FBN1: variants seen among roughly 807,000 people sequenced by gnomAD.
The protein encoded by FBN1 is fibrillin 1.
In FBN1, 29 loss-of-function variants were observed where a neutral mutation model predicts 365.1. The observed-to-expected ratio is 0.08, with a 90% CI of 0.06 to 0.11. The LOEUF is 0.11. Among genes scored for constraint, FBN1 ranks in the 10% least tolerant of loss-of-function variants. FBN1 has a pLI of 1.00. For synonymous variants in FBN1, 1,210 were observed against 1,270.5 expected (o/e 0.95, Z 1.01); for missense variants, 2,476 against 3,703.2 (o/e 0.67, Z 8.60).
At chr15:48,618,398 T>C (rs1889699919) in intron 2 of FBN1, among the ~76,000 whole-genome samples, 1 of 152,226 alleles carries the variant, frequency 6.6e-6, no homozygotes, top group Admixed American at 6.5e-5. Flanking sequence ...GGGCCCATAC[T>C]ATTCTAACGA....
intron 41 of FBN1, among the ~76,000 whole-genome samples, 187 bp downstream of exon 41, chr15:48,463,712 C>T (rs1450488785): frequency 6.6e-6 from 1 of 152,214 alleles, no homozygotes; most frequent in Non-Finnish European, 1.5e-5. Context: ...CTCCCAACCA[C>T]CCACCCGTGG....
chr15:48,477,855 T>G (rs954003055), intron 32 of FBN1, among the ~76,000 whole-genome samples: 8 of 152,178 alleles, frequency 5.3e-5, no homozygotes, highest in African/African-American at 1.9e-4. Flanking sequence ...CACCAAACCT[T>G]TGTCACAAAG....
rs1890269977 is a variant in FBN1 at position 48,644,962 on chromosome 15, A to T, written c.-181-12T>A. 2.4e-6 allele frequency: 1 copy of T among 414,014 alleles called. No individual in the cohort carries two copies. The highest frequency in any genetic ancestry group is 4.5e-5 in the East Asian group (1 of 22,388). 25.6% of individuals were successfully genotyped at this position (414,014 alleles called of 1,614,324 possible). A position where few individuals can be genotyped will look rare whatever the true frequency, so the allele number is the denominator to read the frequency against. On this transcript the variant is annotated splice_polypyrimidine_tract_variant and intron_variant, in intron 1 of 65. Transcript: ENST00000316623. Reference sequence around the variant, plus strand: ...GCGGCCCCTGCCAGCTGCAACACAGAGACAAATCCCCGAGGCGGGGAGACT... The same window carrying T: ...GCGGCCCCTGCCAGCTGCAACACAGTGACAAATCCCCGAGGCGGGGAGACT...
Position 48,508,714 on chromosome 15 carries a change from C to G in FBN1, c.1715-10G>C. 6.2e-7 allele frequency: 1 copy of G among 1,613,338 alleles called. No individual in the cohort carries two copies. Among genetic ancestry groups the G allele is most frequent in the Non-Finnish European group, 8.5e-7 (1 of 1,179,506 alleles). On this transcript the variant is annotated splice_polypyrimidine_tract_variant and intron_variant, in intron 14 of 65. Coordinates refer to ENST00000316623, the MANE Select transcript of FBN1 (RefSeq NM_000138.5). ...CTGCATTCATCCATATCTGAAAATA[C>G]AAAACATACATTTTCTTATGACCAG...
In FBN1 at chr15:48,537,725, G is replaced by C. The variant is rs1468309094; in HGVS notation, c.622C>G (p.Leu208Val). The change falls in exon 7 of 66, where the codon CTC becomes GTC. Residue 208 changes from leucine (L) to valine (V), a missense_variant. Leu to Val is a conservative substitution (Grantham distance 32). Transcript: ENST00000316623. ...QLSGIVCTKT[L>V]CCATVGRAWG... ...GCTCGGCCGACTGTGGCACAGCAGA[G>C]CGTTTTTGTGCAGACAATCCCGCTG... The C allele has an allele frequency of 6.2e-7, 1 of 1,614,220 alleles. No homozygotes were observed. The highest frequency in any genetic ancestry group is 8.5e-7 in the Non-Finnish European group (1 of 1,180,032).
At chr15:48,431,508 T>C (rs907257937) in intron 55 of FBN1, among the ~76,000 whole-genome samples, 8 of 152,036 alleles carry the variant, frequency 5.3e-5, no homozygotes, top group Non-Finnish European at 1.2e-4. Flanking sequence ...TATATCTTAA[T>C]ATAACAATAA....
At chr15:48,598,229 A>G (rs74012213) in intron 5 of FBN1, among the ~76,000 whole-genome samples, 2,106 of 152,162 alleles carry the variant, frequency 0.014, 44 homozygotes, top group African/African-American at 0.049. Context: ...CCATCTATAT[A>G]CCCTTAGAGG....
At position 48,410,912 on chromosome 15, in the gene FBN1, G is replaced by C; in HGVS notation, c.*78C>G. 1.5e-6 allele frequency: 2 copies of C among 1,327,082 alleles called. No homozygotes were observed. The highest frequency in any genetic ancestry group is 3.9e-5 in the Admixed American group (2 of 51,158). The allele number at this position is 1,327,082 out of a possible 1,614,324, so 82.2% of individuals were successfully genotyped here. The stretch of plus-strand genomic sequence containing the variant: ...TGAAAGATTGTACCTATGATATGAT[G>C]ATTCTGATTGGGGGAAAATATAGTT... On this transcript the variant is annotated 3_prime_UTR_variant, in exon 66 of 66. Transcript: ENST00000316623.
intron 6 of FBN1, among the ~76,000 whole-genome samples, chr15:48,588,804 G>A (rs1021225191): frequency 3.3e-5 from 5 of 152,156 alleles, no homozygotes; most frequent in African/African-American, 1.2e-4. Flanking sequence ...CCCTTCCTGG[G>A]AAACTGGTGA....
rs183540184 is a variant in FBN1 at position 48,491,375 on chromosome 15, G to A, written c.2854+1086C>T. Among the ~76,000 whole-genome samples, 718 of 150,464 alleles carry A rather than the reference G, an allele frequency of 4.8e-3. 1 individual carries two copies. Among genetic ancestry groups the A allele is most frequent in the Non-Finnish European group, 7.9e-3 (536 of 67,710 alleles). ...TTTTCTTTTTTTTTTTTTAGAGACG[G>A]AGTCTCACTCTTTTGCCTAGGCCGG... On this transcript the variant is annotated intron_variant, in intron 24 of 65. Coordinates refer to ENST00000316623, the MANE Select transcript of FBN1 (RefSeq NM_000138.5).
intron 2 of FBN1, among the ~76,000 whole-genome samples, chr15:48,620,005 G>A (rs1446463177): frequency 6.6e-6 from 1 of 152,164 alleles, no homozygotes; most frequent in Non-Finnish European, 1.5e-5. Context: ...ATTTGGTTGT[G>A]CGCTGAAGGG....
At chr15:48,431,068 CTCCT>C (rs912821519) in intron 55 of FBN1, among the ~76,000 whole-genome samples, 3 of 151,884 alleles carry the variant, frequency 2.0e-5, no homozygotes, top group Non-Finnish European at 4.4e-5. Context: ...TTTCTCTCTT[CTCCT>C]TCCCTTATTT....
At chr15:48,643,592 T>C (rs1395995994) in intron 2 of FBN1, 1 of 152,122 alleles carries the variant, frequency 6.6e-6, no homozygotes, top group Non-Finnish European at 1.5e-5. Flanking sequence ...GTGGATACCA[T>C]CACTTGGTGA....
At chr15:48,597,595 G>A (rs1264902501) in intron 5 of FBN1, among the ~76,000 whole-genome samples, 2 of 152,036 alleles carry the variant, frequency 1.3e-5, no homozygotes, top group African/African-American at 2.4e-5. Flanking sequence ...TATTCTTCAC[G>A]GGTCTTTTCC....
At chr15:48,460,969 T>G (rs924224867) in intron 42 of FBN1, among the ~76,000 whole-genome samples, 1 of 152,220 alleles carries the variant, frequency 6.6e-6, no homozygotes, top group Non-Finnish European at 1.5e-5. Flanking sequence ...CCCTTCTAAC[T>G]GTGAGATTTT....
intron 58 of FBN1, 46 bp from the exon 59 acceptor site, chr15:48,425,910 C>T (rs753453500): frequency 2.4e-5 from 35 of 1,473,660 alleles, no homozygotes; most frequent in Middle Eastern, 3.4e-4. Context: ...ATAAAATTGA[C>T]AACATTAATA....
At chr15:48,563,651 C>A (rs1418531846) in intron 6 of FBN1, among the ~76,000 whole-genome samples, 1 of 152,148 alleles carries the variant, frequency 6.6e-6, no homozygotes, top group Non-Finnish European at 1.5e-5. Context: ...ACGGGCGCTC[C>A]CCATGTATTT....
At chr15:48,638,305 C>A (rs1161900149) in intron 2 of FBN1, among the ~76,000 whole-genome samples, 1 of 152,108 alleles carries the variant, frequency 6.6e-6, no homozygotes, top group Admixed American at 6.5e-5. Context: ...TGAGTCTTTC[C>A]ACATAGCAAT....
chr15:48,596,882 T>C (rs751224354), intron 5 of FBN1, among the ~76,000 whole-genome samples: 5 of 152,252 alleles, frequency 3.3e-5, no homozygotes, highest in Non-Finnish European at 4.4e-5. Flanking sequence ...TTGAGAGTTA[T>C]AACAGAACTT....
Sources: allele counts gnomAD v4.1 joint callset (sites outside exome capture counted in the v4.1 genomes callset), GRCh38; gene constraint gnomAD v4.1.1; transcripts MANE v1.5; gene names NCBI Gene and HGNC (gene_info 2026-07-23, HGNC 2026-07-21).